The following MYL4 variants were observed in gnomAD, a reference collection of about 807,000 sequenced individuals.
The protein encoded by MYL4 is atrial myosin light chain 1.
MYL4 carries 16 observed loss-of-function variants against 21.6 expected under a neutral mutation model. The ratio of observed to expected loss-of-function variants is 0.74; its 90% CI spans 0.50 to 1.12. The LOEUF is 1.12. Ranked by LOEUF, MYL4 falls within the 50% of genes most tolerant of loss-of-function variation. The pLI is 0.00. For missense variants in MYL4, 249 were observed against 252.9 expected (o/e 0.98, Z 0.11); for synonymous variants, 82 against 95.7 (o/e 0.86, Z 0.83).
chr17:47,205,838 C>G (rs1186760312), upstream of MYL4, among the ~76,000 whole-genome samples: 2 of 152,166 alleles, frequency 1.3e-5, no homozygotes, highest in Non-Finnish European at 2.9e-5. Flanking sequence ...TGCCCTTCCC[C>G]CCGCTTCCAT....
intron 1 of MYL4, among the ~76,000 whole-genome samples, 185 bp from the exon 2 acceptor site, chr17:47,213,614 T>C (rs2064791711): frequency 6.6e-6 from 1 of 152,232 alleles, no homozygotes; most frequent in Admixed American, 6.5e-5. Flanking sequence ...AGCCTGTCAG[T>C]TGTGGCTCAT....
chr17:47,190,075 A>T, the MYL4 span, among the ~76,000 whole-genome samples: 2 of 152,238 alleles, frequency 1.3e-5, no homozygotes, highest in Non-Finnish European at 2.9e-5. Context: ...TCTGCTAAGA[A>T]GGCATTAATT....
chr17:47,226,300 T>C (rs924747328), downstream of MYL4, among the ~76,000 whole-genome samples: 38 of 152,318 alleles, frequency 2.5e-4, no homozygotes, highest in African/African-American at 8.7e-4. Flanking sequence ...GCATTACAAA[T>C]ATTTTCTCTG....
At chr17:47,221,619 C>A (rs1598660553) in intron 3 of MYL4, 63 bp from the exon 4 acceptor site, 1 of 1,548,050 alleles carries the variant, frequency 6.5e-7, no homozygotes, top group East Asian at 2.3e-5. Flanking sequence ...CCCCTCTTGA[C>A]CCTCTGCTCC....
intron 1 of MYL4, among the ~76,000 whole-genome samples, chr17:47,201,293 A>G (rs932499598): frequency 5.9e-5 from 9 of 152,072 alleles, no homozygotes; most frequent in Middle Eastern, 6.8e-3. Context: ...GGCCTTATGA[A>G]TTATTGAGCC....
At chr17:47,192,940 C>A in the MYL4 span, among the ~76,000 whole-genome samples, 1 of 152,080 alleles carries the variant, frequency 6.6e-6, no homozygotes, top group South Asian at 2.1e-4. Context: ...TTCTCCTAAG[C>A]CTGCTTCTTG....
Position 47,223,002 on chromosome 17 carries a change from C to A in MYL4, c.566-12C>A. The A allele has an allele frequency of 6.2e-7, 1 of 1,614,110 alleles. No homozygotes were observed. The highest frequency in any genetic ancestry group is 8.5e-7 in the Non-Finnish European group (1 of 1,179,992). On this transcript the variant is annotated splice_polypyrimidine_tract_variant and intron_variant, in intron 5 of 6. Transcript: ENST00000393450. ...TGAGCCACATGGTGGCTGATTTTCACTTTTTTCCTAGCCTTTGTCAAGCAC... is the reference window on the plus strand; with the variant it reads ...TGAGCCACATGGTGGCTGATTTTCAATTTTTTCCTAGCCTTTGTCAAGCAC...
chr17:47,201,640 G>A (rs112812095), intron 1 of MYL4, among the ~76,000 whole-genome samples: 2,455 of 151,936 alleles, frequency 0.016, 53 homozygotes, highest in African/African-American at 0.056. Context: ...ATTTTTAGTA[G>A]AGACGAGGTT....
At chr17:47,213,913 C>T (rs1567746822) in intron 2 of MYL4, 87 bp downstream of exon 2, 2 of 1,438,878 alleles carry the variant, frequency 1.4e-6, no homozygotes, top group East Asian at 2.3e-5. Context: ...GAGTAGTTGT[C>T]CTCATGGTAA....
chr17:47,189,558 CCAG>C, the MYL4 span: 2 of 325,918 alleles, frequency 6.1e-6, no homozygotes, highest in Non-Finnish European at 1.2e-5. Flanking sequence ...AAATCTGCAA[CCAG>C]CAGGCTGGGC....
At chr17:47,192,059 A>G in the MYL4 span, among the ~76,000 whole-genome samples, 1 of 152,196 alleles carries the variant, frequency 6.6e-6, no homozygotes, top group Non-Finnish European at 1.5e-5. Context: ...TTAACCTAAA[A>G]AAGAGCATTT....
At chr17:47,191,852 A>G in the MYL4 span, among the ~76,000 whole-genome samples, 15 of 152,224 alleles carry the variant, frequency 9.9e-5, no homozygotes, top group Non-Finnish European at 2.1e-4. Flanking sequence ...GCTCTTTTTC[A>G]CACAACATGC....
downstream of MYL4, among the ~76,000 whole-genome samples, chr17:47,227,622 GGAA>G: frequency 6.6e-6 from 1 of 152,016 alleles, no homozygotes; most frequent in East Asian, 1.9e-4. Flanking sequence ...CTGAAGACAA[GGAA>G]GATGAAGGCC....
At chr17:47,210,588 A>G (rs1266647889) in intron 1 of MYL4, among the ~76,000 whole-genome samples, 1 of 152,058 alleles carries the variant, frequency 6.6e-6, no homozygotes, top group East Asian at 1.9e-4. Flanking sequence ...AGCACAGGAC[A>G]AGGTTCTGTG....
chr17:47,214,730 A>C (rs1000356004), intron 2 of MYL4, among the ~76,000 whole-genome samples: 6 of 152,234 alleles, frequency 3.9e-5, no homozygotes, highest in Admixed American at 3.9e-4. Flanking sequence ...TTTCAGAAAA[A>C]TATATAATGA....
At chr17:47,227,030 AT>A (rs2064888184), downstream of MYL4, among the ~76,000 whole-genome samples, 1 of 152,006 alleles carries the variant, frequency 6.6e-6, no homozygotes, top group African/African-American at 2.4e-5. Flanking sequence ...AATTTTTTGT[AT>A]TTTTAGTAGA....
At chr17:47,211,372 A>T (rs1178688948) in intron 1 of MYL4, among the ~76,000 whole-genome samples, 1 of 152,116 alleles carries the variant, frequency 6.6e-6, no homozygotes, top group African/African-American at 2.4e-5. Flanking sequence ...ACATGGCAAG[A>T]TCCTTGTCTC....
intron 2 of MYL4, 107 bp downstream of exon 2, chr17:47,213,933 C>T (rs775732897): frequency 2.3e-6 from 3 of 1,295,262 alleles, no homozygotes; most frequent in Non-Finnish European, 2.2e-6. Context: ...ATAGTAATCA[C>T]TGTCATCATC....
At chr17:47,217,286 A>G (rs151101877) in intron 2 of MYL4, among the ~76,000 whole-genome samples, 2,355 of 151,734 alleles carry the variant, frequency 0.016, 56 homozygotes, top group African/African-American at 0.054. Context: ...GTGAAACCCC[A>G]CCTCTACCAA....
Sources: gnomAD v4.1 joint callset for allele counts (sites outside exome capture counted in the v4.1 genomes callset) on GRCh38, gnomAD v4.1.1 for gene constraint, MANE v1.5 for transcripts, NCBI Gene and HGNC (gene_info 2026-07-23, HGNC 2026-07-21) for gene names.